MPRIP: variants seen among roughly 807,000 people sequenced by gnomAD.
The protein encoded by MPRIP is myosin phosphatase Rho-interacting protein.
Under a neutral mutation model 234.9 loss-of-function variants are expected in MPRIP, and 59 were observed. The ratio of observed to expected loss-of-function variants is 0.25; its 90% CI spans 0.20 to 0.31. The LOEUF (loss-of-function observed/expected upper bound fraction) is 0.31, where lower values mean the gene tolerates loss of function less well. Among genes scored for constraint, MPRIP ranks in the 10% least tolerant of loss-of-function variants. MPRIP has a pLI of 1.00. For synonymous variants in MPRIP, 1,144 were observed against 1,263.9 expected (o/e 0.91, Z 2.01); for missense variants, 2,436 against 3,071.0 (o/e 0.79, Z 4.89).
intron 23 of MPRIP, chr17:17,180,644 C>T (rs1305837126): frequency 1.2e-6 from 2 of 1,614,068 alleles, no homozygotes; most frequent in Admixed American, 1.7e-5. Flanking sequence ...ACCTGAAATG[C>T]ACCCGCTTCC....
intron 10 of MPRIP, 31 bp from the exon 11 acceptor site, chr17:17,147,288 G>T: frequency 6.2e-7 from 1 of 1,609,532 alleles, no homozygotes; most frequent in Non-Finnish European, 8.5e-7. Flanking sequence ...GGAGTTGGTA[G>T]TCGAGTCATT....
At chr17:17,055,591 C>G (rs2088669010) in intron 1 of MPRIP, among the ~76,000 whole-genome samples, 1 of 152,206 alleles carries the variant, frequency 6.6e-6, no homozygotes, top group Non-Finnish European at 1.5e-5. Context: ...TCTATGAGAT[C>G]TAAACAGGAG....
intron 3 of MPRIP, among the ~76,000 whole-genome samples, chr17:17,123,249 G>A (rs1299698474): frequency 3.3e-5 from 5 of 152,318 alleles, no homozygotes; most frequent in African/African-American, 1.2e-4. Flanking sequence ...TTCAGGGGGA[G>A]ATGGAAATGT....
intron 3 of MPRIP, among the ~76,000 whole-genome samples, chr17:17,087,588 G>A (rs1212832268): frequency 1.3e-5 from 2 of 152,208 alleles, no homozygotes; most frequent in Admixed American, 1.3e-4. Context: ...CTGGCCAGAC[G>A]CGAGTCCTCC....
intron 3 of MPRIP, among the ~76,000 whole-genome samples, chr17:17,093,575 G>A (rs938794339): frequency 2.0e-5 from 3 of 152,154 alleles, no homozygotes; most frequent in African/African-American, 7.2e-5. Flanking sequence ...CCTGATATAT[G>A]TGAAGGTTGA....
chr17:17,130,545 C>T (rs1442711658), intron 4 of MPRIP, among the ~76,000 whole-genome samples: 5 of 152,032 alleles, frequency 3.3e-5, no homozygotes, highest in Admixed American at 1.3e-4. Flanking sequence ...GTGCTGCACC[C>T]GTGTGATCTC....
At chr17:17,072,618 A>C (rs1279026070) in intron 1 of MPRIP, among the ~76,000 whole-genome samples, 2 of 152,164 alleles carry the variant, frequency 1.3e-5, no homozygotes, top group Non-Finnish European at 2.9e-5. Flanking sequence ...ATTTCGGGGA[A>C]GCCCTGAGGG....
chr17:17,085,873 A>G (rs1266187372), intron 3 of MPRIP, among the ~76,000 whole-genome samples: 1 of 152,186 alleles, frequency 6.6e-6, no homozygotes, highest in East Asian at 1.9e-4. Context: ...AGATCACGCC[A>G]CTGCACTCCA....
In MPRIP at chr17:17,166,306, A is replaced by T. The variant is rs752082860; in HGVS notation, c.4715A>T (p.Glu1572Val). 1.5e-6 allele frequency: 2 copies of T among 1,304,462 alleles called. 1 individual carries two copies. The highest frequency in any genetic ancestry group is 2.5e-5 in the South Asian group (2 of 81,034). 80.8% of individuals were successfully genotyped at this position (1,304,462 alleles called of 1,614,324 possible). Residue 1572 changes from glutamate (E) to valine (V), a missense_variant, in exon 16 of 24, where the codon GAG becomes GTG. Glu to Val is a moderately radical substitution (Grantham distance 121). Around this residue, in one of 4 missense-constraint regions of MPRIP, gnomAD observed 1,998 missense variants for 2,520.3 expected, o/e 0.79. Coordinates refer to ENST00000651222, the MANE Select transcript of MPRIP (RefSeq NM_001364716.4). The surrounding 1 kb of genome is among the most constrained non-coding windows in gnomAD (Gnocchi z 4.4). ...CTTCTTTCTGACCAGATTGCTCTGGAGGCCTCGCTGATCAGCCAGATAGCA... is the reference window on the plus strand; with the variant it reads ...CTTCTTTCTGACCAGATTGCTCTGGTGGCCTCGCTGATCAGCCAGATAGCA... ...VRLLSDQIAL[E>V]ASLISQIADS...
At position 17,171,503 on chromosome 17, in the gene MPRIP, G is replaced by A. The variant is rs778429893; in HGVS notation, c.6325-215G>A. 66 of 572,648 alleles carry A rather than the reference G, an allele frequency of 1.2e-4. No individual in the cohort carries two copies. The South Asian group carries it at 1.3e-3, about 12-fold the overall frequency. 35.5% of individuals were successfully genotyped at this position (572,648 alleles called of 1,614,324 possible). On this transcript the variant is annotated intron_variant, in intron 16 of 23. Coordinates refer to ENST00000651222, the MANE Select transcript of MPRIP (RefSeq NM_001364716.4). ...ACAGAAATAAGAGGTAGAGTTGACTGGTAACACCCTTTTCTGAATGCTCTG... is the reference window on the plus strand; with the variant it reads ...ACAGAAATAAGAGGTAGAGTTGACTAGTAACACCCTTTTCTGAATGCTCTG...
rs1294161087 is a variant in MPRIP at position 17,191,918 on chromosome 17, G to T, written c.*7024G>T. 1 of 152,202 alleles carries T rather than the reference G, an allele frequency of 6.6e-6. No homozygotes were observed. The highest frequency in any genetic ancestry group is 1.5e-5 in the Non-Finnish European group (1 of 68,036). The allele number at this position is 152,202 out of a possible 1,614,324, so 9.4% of individuals were successfully genotyped here. On this transcript the variant is annotated 3_prime_UTR_variant, in exon 24 of 24. Coordinates refer to ENST00000651222, the MANE Select transcript of MPRIP (RefSeq NM_001364716.4). ...GACATACTGTTAGGATTCAAAACCA[G>T]TTAAGTATAAGAATTACTTCATGTG...
At chr17:17,057,800 C>T in intron 1 of MPRIP, 2 of 692,166 alleles carry the variant, frequency 2.9e-6, no homozygotes, top group Admixed American at 2.1e-5. Context: ...GCATGACCTC[C>T]AGGGATCTTC....
chr17:17,049,946 T>C (rs1331393678), intron 1 of MPRIP, among the ~76,000 whole-genome samples: 1 of 152,194 alleles, frequency 6.6e-6, no homozygotes, highest in East Asian at 1.9e-4. Flanking sequence ...TTCAGCACTT[T>C]GGGAGGCCGA....
chr17:17,042,677 C>A lies in MPRIP; in HGVS notation c.-172C>A. 1 of 674,728 alleles carries A rather than the reference C, an allele frequency of 1.5e-6. No individual in the cohort carries two copies. The highest frequency in any genetic ancestry group is 6.4e-5 in the South Asian group (1 of 15,572). The allele number at this position is 674,728 out of a possible 1,614,324, so 41.8% of individuals were successfully genotyped here. On this transcript the variant is annotated 5_prime_UTR_variant, in exon 1 of 24. Coordinates refer to ENST00000651222, the MANE Select transcript of MPRIP (RefSeq NM_001364716.4). ...CGCGCGCTGTGAGGCCCGGGCGGCT[C>A]AGGAGCCTCGGCGCGTGCAGCGAAC... is the stretch of plus-strand genomic sequence containing the variant.
At chr17:17,049,534 A>G (rs1332284653) in intron 1 of MPRIP, among the ~76,000 whole-genome samples, 1 of 151,732 alleles carries the variant, frequency 6.6e-6, no homozygotes, top group African/African-American at 2.4e-5. Context: ...TTTTTTTTAT[A>G]AAGGACTCTT....
intron 14 of MPRIP, 105 bp downstream of exon 14, chr17:17,159,107 C>A (rs1039997849): frequency 1.6e-6 from 2 of 1,219,278 alleles, no homozygotes; most frequent in Non-Finnish European, 2.3e-6. Flanking sequence ...GTCCTACCCG[C>A]GAGGGACTTG....
At chr17:17,132,571 C>A (rs2090618588) in intron 5 of MPRIP, among the ~76,000 whole-genome samples, 1 of 152,230 alleles carries the variant, frequency 6.6e-6, no homozygotes, top group Non-Finnish European at 1.5e-5. Flanking sequence ...GTGAAGAGAG[C>A]CAGCCCACGG....
intron 1 of MPRIP, among the ~76,000 whole-genome samples, chr17:17,047,249 G>A (rs1490295670): frequency 6.6e-6 from 1 of 152,152 alleles, no homozygotes; most frequent in Non-Finnish European, 1.5e-5. Flanking sequence ...CATGATGTGT[G>A]GCCTGTGAGC....
chr17:17,155,191 G>C (rs1204626190), intron 13 of MPRIP, among the ~76,000 whole-genome samples: 1 of 151,976 alleles, frequency 6.6e-6, no homozygotes, highest in African/African-American at 2.4e-5. Flanking sequence ...TGTGGGTTAG[G>C]CTGCTTGGGT....
Sources: gnomAD v4.1 joint callset for allele counts (sites outside exome capture counted in the v4.1 genomes callset) on GRCh38, gnomAD v4.1.1 for gene constraint, gnomAD v4.1.1 regional missense constraint, Gnocchi (gnomAD v3.1) non-coding constraint, MANE v1.5 for transcripts, NCBI Gene and HGNC (gene_info 2026-07-23, HGNC 2026-07-21) for gene names.